The following GPC5 variants were observed in gnomAD, a reference collection of about 807,000 sequenced individuals.
GPC5 encodes glypican-5.
In GPC5, 47 loss-of-function variants were observed where a neutral mutation model predicts 53.9. That is an observed-to-expected ratio of 0.87 (90% CI 0.69 to 1.11). The LOEUF is 1.11. GPC5 is among the 50% of genes most tolerant of loss of function. The pLI, the probability that GPC5 is intolerant of heterozygous loss-of-function variation, is 0.00. For missense variants in GPC5, 748 were observed against 713.1 expected (o/e 1.05, Z -0.56); for synonymous variants, 286 against 263.3 (o/e 1.09, Z -0.84).
At chr13:92,512,174 T>C (rs1880590882) in intron 7 of GPC5, among the ~76,000 whole-genome samples, 1 of 152,208 alleles carries the variant, frequency 6.6e-6, no homozygotes, top group South Asian at 2.1e-4. Flanking sequence ...TTCTCCCCGA[T>C]TCTGCCCTGG....
chr13:91,806,242 C>T lies in GPC5; in HGVS notation c.1280+49822C>T, dbSNP rs372327467. On this transcript the variant is annotated intron_variant, in intron 5 of 7. Coordinates refer to ENST00000377067, the MANE Select transcript of GPC5 (RefSeq NM_004466.6). ...GTAGAGAGTGGGTTTCACTGTATTG[C>T]CCAGGCTGGTCTTGTACTCGTGAGC... Among the ~76,000 whole-genome samples, 11 of 151,540 alleles carry T rather than the reference C, an allele frequency of 7.3e-5. No homozygotes were observed. In the East Asian group the frequency reaches 1.4e-3, roughly 19 times the overall value.
At chr13:92,148,755 C>A (rs2041886446) in intron 7 of GPC5, among the ~76,000 whole-genome samples, 1 of 152,022 alleles carries the variant, frequency 6.6e-6, no homozygotes, top group African/African-American at 2.4e-5. Context: ...AGGTTCTAAA[C>A]ACAACTGGAA....
At chr13:92,607,635 G>A (rs1214887111) in intron 7 of GPC5, among the ~76,000 whole-genome samples, 2 of 151,964 alleles carry the variant, frequency 1.3e-5, no homozygotes, top group Non-Finnish European at 2.9e-5. Flanking sequence ...ATTCATTAAA[G>A]TTTTTATCCA....
intron 6 of GPC5, among the ~76,000 whole-genome samples, chr13:91,967,803 A>G (rs908564028): frequency 2.0e-5 from 3 of 152,144 alleles, no homozygotes; most frequent in Admixed American, 2.0e-4. Context: ...ATGTAATTTC[A>G]ACTAAAGTTT....
intron 7 of GPC5, among the ~76,000 whole-genome samples, chr13:92,471,477 T>C (rs1028855032): frequency 6.6e-6 from 1 of 152,048 alleles, no homozygotes; most frequent in Non-Finnish European, 1.5e-5. Flanking sequence ...TCCCTATTTA[T>C]AGGTAAGCCA....
intron 2 of GPC5, among the ~76,000 whole-genome samples, chr13:91,487,305 G>T (rs1462976442): frequency 6.6e-6 from 1 of 152,152 alleles, no homozygotes; most frequent in East Asian, 1.9e-4. Flanking sequence ...TAGATGGTTA[G>T]TAGGGAGAAT....
chr13:91,725,342 C>A (rs762181201), intron 3 of GPC5, among the ~76,000 whole-genome samples: 2 of 151,994 alleles, frequency 1.3e-5, no homozygotes, highest in East Asian at 1.9e-4. Flanking sequence ...AAGTCAGAGA[C>A]GAAAAATTGT....
chr13:92,546,835 A>G (rs1882134649), intron 7 of GPC5, among the ~76,000 whole-genome samples: 1 of 152,194 alleles, frequency 6.6e-6, no homozygotes, highest in Non-Finnish European at 1.5e-5. Context: ...GACCAATGGA[A>G]CAGAACAGAG....
At chr13:91,864,238 G>C (rs925730504) in intron 5 of GPC5, among the ~76,000 whole-genome samples, 8 of 152,152 alleles carry the variant, frequency 5.3e-5, no homozygotes, top group Non-Finnish European at 1.0e-4. Flanking sequence ...ATGTAAGATA[G>C]TAGTTTTCTT....
chr13:92,102,663 G>A (rs924180795), intron 6 of GPC5, among the ~76,000 whole-genome samples: 2 of 152,144 alleles, frequency 1.3e-5, no homozygotes, highest in Admixed American at 6.5e-5. Context: ...AGCACAGTGG[G>A]AAGGATTCAT....
chr13:91,956,171 C>T (rs1234652158), intron 6 of GPC5, among the ~76,000 whole-genome samples: 1 of 152,022 alleles, frequency 6.6e-6, no homozygotes, highest in Non-Finnish European at 1.5e-5. Flanking sequence ...TTTCTCCCCC[C>T]CACCCCAATA....
chr13:91,761,904 C>T (rs2037421112), intron 5 of GPC5, among the ~76,000 whole-genome samples: 1 of 152,138 alleles, frequency 6.6e-6, no homozygotes, highest in Non-Finnish European at 1.5e-5. Context: ...GCTGAAAGTC[C>T]CAACCCTCTA....
intron 7 of GPC5, among the ~76,000 whole-genome samples, chr13:92,605,610 TCTCGCTCTGTCGCC>T (rs1884226560): frequency 7.0e-6 from 1 of 142,438 alleles, no homozygotes; most frequent in Non-Finnish European, 1.5e-5. Context: ...TGAGACGGAG[TCTCGCTCTGTCGCC>T]CAGGCCGGAC....
At chr13:92,731,901 A>G (rs1594462467) in intron 7 of GPC5, among the ~76,000 whole-genome samples, 1 of 151,596 alleles carries the variant, frequency 6.6e-6, no homozygotes, top group South Asian at 2.1e-4. Flanking sequence ...GGAGAGCTAT[A>G]CTGTAATGAA....
At chr13:92,428,371 G>A (rs1212596846) in intron 7 of GPC5, among the ~76,000 whole-genome samples, 1 of 152,086 alleles carries the variant, frequency 6.6e-6, no homozygotes, top group African/African-American at 2.4e-5. Context: ...CTGTGTTATA[G>A]TCACTTCCTC....
intron 5 of GPC5, among the ~76,000 whole-genome samples, chr13:91,900,639 C>T (rs115377163): frequency 0.011 from 1,674 of 152,058 alleles, 12 homozygotes; most frequent in African/African-American, 0.021. Flanking sequence ...ACCATAAAAA[C>T]AGAGCTTTGA....
intron 7 of GPC5, among the ~76,000 whole-genome samples, chr13:92,268,229 A>G (rs1162991228): frequency 6.6e-6 from 1 of 152,054 alleles, no homozygotes; most frequent in Non-Finnish European, 1.5e-5. Context: ...ACTTTTTGAA[A>G]TTTCAAAAAA....
chr13:92,613,517 A>AATATATAATTTATATATAAAAT (rs1884558852), intron 7 of GPC5, among the ~76,000 whole-genome samples: 1 of 101,514 alleles, frequency 9.9e-6, no homozygotes, highest in African/African-American at 3.8e-5. Flanking sequence ...TATAAAATAT[A>AATATATAATTTATATATAAAAT]ATATATAATT....
intron 7 of GPC5, among the ~76,000 whole-genome samples, chr13:92,671,920 C>T (rs201515354): frequency 3.9e-5 from 6 of 152,038 alleles, no homozygotes; most frequent in Admixed American, 2.6e-4. Context: ...TAAGGGAGAA[C>T]GTTGACATTA....
Sources: gnomAD v4.1 joint callset for allele counts (sites outside exome capture counted in the v4.1 genomes callset) on GRCh38, gnomAD v4.1.1 for gene constraint, MANE v1.5 for transcripts, NCBI Gene and HGNC (gene_info 2026-07-23, HGNC 2026-07-21) for gene names.